PLCB1: variants seen among roughly 807,000 people sequenced by gnomAD.
The protein encoded by PLCB1 is phospholipase C beta 1.
In PLCB1, 46 loss-of-function variants were observed where a neutral mutation model predicts 161.8. That is an observed-to-expected ratio of 0.28 (90% CI 0.22 to 0.36). The LOEUF (loss-of-function observed/expected upper bound fraction) is 0.36, where lower values mean the gene tolerates loss of function less well. Ranked by LOEUF, PLCB1 falls within the 10% of genes least tolerant of loss-of-function variation. The pLI, the probability that PLCB1 is intolerant of heterozygous loss-of-function variation, is 1.00. For missense variants in PLCB1, 1,016 were observed against 1,472.5 expected (o/e 0.69, Z 5.07); for synonymous variants, 517 against 503.7 (o/e 1.03, Z -0.35).
At chr20:8,737,698 C>A (rs1468473352) in intron 20 of PLCB1, among the ~76,000 whole-genome samples, 1 of 152,152 alleles carries the variant, frequency 6.6e-6, no homozygotes, top group Non-Finnish European at 1.5e-5. Flanking sequence ...CACCAAAAAG[C>A]AAATCTTCAC....
chr20:8,348,559 A>C (rs867650234), intron 2 of PLCB1, among the ~76,000 whole-genome samples: 4 of 152,286 alleles, frequency 2.6e-5, no homozygotes, highest in Middle Eastern at 3.4e-3. Context: ...GAGATGCTGC[A>C]TACTGGGGAT....
chr20:8,320,815 AAGGGAGGGAGGGAGAGAGGG>A, intron 2 of PLCB1, among the ~76,000 whole-genome samples: 1 of 138,094 alleles, frequency 7.2e-6, no homozygotes, highest in Non-Finnish European at 1.6e-5. Flanking sequence ...GAAAGAAAGA[AAGGGAGGGAGGGAGAGAGGG>A]AGGGAGGGAG....
chr20:8,679,775 A>T (rs1335271927), intron 9 of PLCB1, among the ~76,000 whole-genome samples: 1 of 152,248 alleles, frequency 6.6e-6, no homozygotes, highest in Non-Finnish European at 1.5e-5. Flanking sequence ...TTAACAAAAT[A>T]TATAAGGTAA....
intron 2 of PLCB1, among the ~76,000 whole-genome samples, chr20:8,351,317 A>G (rs1986169335): frequency 6.6e-6 from 1 of 152,132 alleles, no homozygotes; most frequent in African/African-American, 2.4e-5. Flanking sequence ...CTTAGAGTTC[A>G]TACTTTACAA....
chr20:8,286,831 A>G (rs1040555341), intron 2 of PLCB1, among the ~76,000 whole-genome samples: 2 of 152,126 alleles, frequency 1.3e-5, no homozygotes, highest in Admixed American at 6.6e-5. Context: ...TATTTTTAAT[A>G]TAATACTTTC....
chr20:8,431,464 TCACTC>T (rs1980039473), intron 3 of PLCB1, among the ~76,000 whole-genome samples: 1 of 152,314 alleles, frequency 6.6e-6, no homozygotes, highest in Non-Finnish European at 1.5e-5. Context: ...ATGTTTGACT[TCACTC>T]CAGAGGCAAT....
chr20:8,593,151 G>A (rs769567961), intron 3 of PLCB1, among the ~76,000 whole-genome samples: 1 of 151,994 alleles, frequency 6.6e-6, no homozygotes, highest in Non-Finnish European at 1.5e-5. Context: ...TCACTCACAG[G>A]CCCTGCCCCC....
chr20:8,586,875 T>C (rs1035959274), intron 3 of PLCB1, among the ~76,000 whole-genome samples: 2 of 152,164 alleles, frequency 1.3e-5, no homozygotes, highest in African/African-American at 4.8e-5. Flanking sequence ...TTCTAAAATC[T>C]GAGCTACTAA....
chr20:8,759,386 C>A (rs1981900329), intron 24 of PLCB1, among the ~76,000 whole-genome samples: 1 of 152,212 alleles, frequency 6.6e-6, no homozygotes, highest in East Asian at 1.9e-4. Context: ...TGAGACTATG[C>A]AAATATCCTG....
chr20:8,618,569 T>C (rs188783708), intron 3 of PLCB1, among the ~76,000 whole-genome samples: 17 of 152,224 alleles, frequency 1.1e-4, no homozygotes, highest in African/African-American at 3.4e-4. Flanking sequence ...TCATATAACA[T>C]AACTAACAAT....
intron 3 of PLCB1, among the ~76,000 whole-genome samples, chr20:8,448,200 A>C (rs2122637957): frequency 6.6e-6 from 1 of 152,322 alleles, no homozygotes; most frequent in South Asian, 2.1e-4. Flanking sequence ...ACAGAATGAA[A>C]AATGTGTTGA....
intron 11 of PLCB1, among the ~76,000 whole-genome samples, chr20:8,698,069 T>C (rs1990619752): frequency 6.6e-6 from 1 of 152,272 alleles, no homozygotes; most frequent in African/African-American, 2.4e-5. Context: ...TTGCATTTTA[T>C]TTTTGTGAAA....
chr20:8,841,532 A>G (rs6118349), intron 31 of PLCB1, among the ~76,000 whole-genome samples: 5,502 of 152,290 alleles, frequency 0.036, 349 homozygotes, highest in African/African-American at 0.13. Context: ...AGCTCTCTTA[A>G]TTCTTTGTTC....
At chr20:8,870,276 A>G (rs1320201176) in intron 31 of PLCB1, among the ~76,000 whole-genome samples, 2 of 152,226 alleles carry the variant, frequency 1.3e-5, no homozygotes, top group Non-Finnish European at 2.9e-5. Context: ...TTTTCACTAA[A>G]TAAAAGAAAG....
At chr20:8,395,864 T>A (rs77460043) in intron 3 of PLCB1, among the ~76,000 whole-genome samples, 3,375 of 152,042 alleles carry the variant, frequency 0.022, 137 homozygotes, top group African/African-American at 0.076. Flanking sequence ...ATATAGAAAG[T>A]CATAATAGAT....
chr20:8,705,737 G>A (rs536197913), intron 11 of PLCB1, among the ~76,000 whole-genome samples: 8 of 152,304 alleles, frequency 5.3e-5, no homozygotes, highest in African/African-American at 1.9e-4. Flanking sequence ...TGTATTCAAG[G>A]AAAAGCAACA....
intron 2 of PLCB1, among the ~76,000 whole-genome samples, chr20:8,339,615 G>T (rs80057863): frequency 6.6e-6 from 1 of 152,082 alleles, no homozygotes; most frequent in Admixed American, 6.6e-5. Context: ...TTTCTCTCAC[G>T]CCCAGTTCAT....
chr20:8,252,908 A>G (rs1981226147), intron 2 of PLCB1, among the ~76,000 whole-genome samples: 2 of 151,964 alleles, frequency 1.3e-5, no homozygotes, highest in Admixed American at 1.3e-4. Context: ...CCTTACTTAT[A>G]TCTAGGTGAC....
chr20:8,608,438 T>A (rs553231130), intron 3 of PLCB1, among the ~76,000 whole-genome samples: 31 of 152,284 alleles, frequency 2.0e-4, no homozygotes, highest in African/African-American at 7.0e-4. Flanking sequence ...CAACTCTGGC[T>A]TCAAGGAAAA....
Sources: allele counts gnomAD v4.1 joint callset (sites outside exome capture counted in the v4.1 genomes callset), GRCh38; gene constraint gnomAD v4.1.1; transcripts MANE v1.5; gene names NCBI Gene and HGNC (gene_info 2026-07-23, HGNC 2026-07-21).